MYPN: variants seen among roughly 807,000 people sequenced by gnomAD.
MYPN encodes sarcomeric protein myopalladin, 145 kDa (MYOP).
MYPN carries 63 observed loss-of-function variants against 129.4 expected under a neutral mutation model. That is an observed-to-expected ratio of 0.49 (90% confidence interval 0.40 to 0.60). The LOEUF is 0.60. MYPN is among the 20% of genes least tolerant of loss of function. The pLI is 0.00. For synonymous variants in MYPN, 629 were observed against 600.9 expected (o/e 1.05, Z -0.68); for missense variants, 1,596 against 1,635.4 (o/e 0.98, Z 0.42).
chr10:68,199,031 C>T (rs2043661916), intron 16 of MYPN, among the ~76,000 whole-genome samples: 2 of 151,736 alleles, frequency 1.3e-5, no homozygotes, highest in African/African-American at 2.4e-5. Context: ...TTTCTCTTGG[C>T]TATTAGGTAT....
intron 10 of MYPN, among the ~76,000 whole-genome samples, chr10:68,167,285 G>A (rs1015551980): frequency 2.6e-5 from 4 of 152,100 alleles, no homozygotes; most frequent in African/African-American, 7.2e-5. Flanking sequence ...GTGTCTAATC[G>A]TCTTTACAGT....
chr10:68,145,575 A>G lies in MYPN; in HGVS notation c.1130+49A>G, dbSNP rs749931395. 3.4e-6 allele frequency: 5 copies of G among 1,485,596 alleles called. No homozygotes were observed. The African/African-American group carries it at 7.0e-5, about 21-fold the overall frequency. 92.0% of individuals were successfully genotyped at this position (1,485,596 alleles called of 1,614,324 possible). Reference sequence around the variant, plus strand: ...AGCTTTAGCATCCTCAGATCAATTAATAGCTCAAAGAGAATGATTAATTGG... The same window carrying G: ...AGCTTTAGCATCCTCAGATCAATTAGTAGCTCAAAGAGAATGATTAATTGG... On this transcript the variant is annotated intron_variant, in intron 4 of 19. Transcript: ENST00000358913.
At chr10:68,106,690 AT>A, upstream of MYPN, 1 of 716,080 alleles carries the variant, frequency 1.4e-6, no homozygotes. Context: ...AAATGCAAAC[AT>A]TTTATATGAA....
At chr10:68,140,966 G>A (rs1231993868) in intron 2 of MYPN, among the ~76,000 whole-genome samples, 3 of 152,186 alleles carry the variant, frequency 2.0e-5, no homozygotes, top group African/African-American at 4.8e-5. Flanking sequence ...CAGCTACTTG[G>A]GAGGCTGGAG....
At position 68,122,070 on chromosome 10, in the gene MYPN, T is replaced by C. The variant is rs866621314; in HGVS notation, c.632T>C (p.Val211Ala). 2.5e-6 allele frequency: 4 copies of C among 1,614,146 alleles called. No individual in the cohort carries two copies. The African/African-American group carries it at 5.3e-5, about 22-fold the overall frequency. Reference sequence around the variant, plus strand: ...TCAGAAAGACGAGAAAGATCTTCTGTTCCCATCCCTATCCCTGCGGATACC... The same window carrying C: ...TCAGAAAGACGAGAAAGATCTTCTGCTCCCATCCCTATCCCTGCGGATACC... ...DLSERRERSS[V>A]PIPIPADTRD... Residue 211 changes from valine (V) to alanine (A), a missense_variant, in exon 2 of 20, where the codon GTT becomes GCT. Val to Ala is a moderately conservative substitution (Grantham distance 64). Coordinates refer to ENST00000358913, the MANE Select transcript of MYPN (RefSeq NM_032578.4).
At chr10:68,136,141 A>G in intron 2 of MYPN, 1 of 775,428 alleles carries the variant, frequency 1.3e-6, no homozygotes, top group Non-Finnish European at 1.6e-6. Flanking sequence ...CAGAATGGTG[A>G]TAAAGAGCCA....
chr10:68,186,927 G>A (rs1003222630), intron 12 of MYPN, among the ~76,000 whole-genome samples: 4 of 152,124 alleles, frequency 2.6e-5, no homozygotes, highest in African/African-American at 9.7e-5. Context: ...TAAGTTTGAT[G>A]GGCAGGCTAT....
At chr10:68,196,121 G>A (rs1443704749) in intron 15 of MYPN, among the ~76,000 whole-genome samples, 1 of 152,096 alleles carries the variant, frequency 6.6e-6, no homozygotes, top group Admixed American at 6.6e-5. Flanking sequence ...GCTTTTAATG[G>A]TTCAAAATTT....
chr10:68,173,828 T>C (rs974258564), intron 10 of MYPN, among the ~76,000 whole-genome samples: 4 of 112,582 alleles, frequency 3.6e-5, no homozygotes, highest in African/African-American at 9.0e-5. Context: ...TATATGTATA[T>C]ATAATTTTTT....
intron 12 of MYPN, among the ~76,000 whole-genome samples, chr10:68,176,581 A>G (rs1265587533): frequency 6.6e-6 from 1 of 152,190 alleles, no homozygotes; most frequent in Non-Finnish European, 1.5e-5. Flanking sequence ...ATATTGAGCA[A>G]CTTATACTGA....
chr10:68,121,393 C>T (rs758319270), intron 1 of MYPN, 45 bp from the exon 2 acceptor site: 2 of 1,562,092 alleles, frequency 1.3e-6, no homozygotes, highest in Admixed American at 1.8e-5. Context: ...ACTTGTTATT[C>T]CCTAGAAATG....
At chr10:68,089,476 G>C (rs2041921176) in intron 1 of MYPN, among the ~76,000 whole-genome samples, 1 of 152,000 alleles carries the variant, frequency 6.6e-6, no homozygotes, top group African/African-American at 2.4e-5. Context: ...CGAGTAGCTG[G>C]GACTACAGGT....
chr10:68,210,911 A>G lies in MYPN; in HGVS notation c.*456A>G. The G allele has an allele frequency of 2.2e-6, 1 of 454,984 alleles. No individual in the cohort carries two copies. The highest frequency in any genetic ancestry group is 6.9e-4 in the Middle Eastern group (1 of 1,444). 28.2% of individuals were successfully genotyped at this position (454,984 alleles called of 1,614,324 possible). On this transcript the variant is annotated 3_prime_UTR_variant, in exon 20 of 20. Coordinates refer to ENST00000358913, the MANE Select transcript of MYPN (RefSeq NM_032578.4). ...AGGTCACCATCACCTTTCATCGATT[A>G]CATGTATAGCAGTAGTTTTGGTGAA... is the stretch of plus-strand genomic sequence containing the variant.
At chr10:68,146,138 A>G (rs994309047) in intron 4 of MYPN, among the ~76,000 whole-genome samples, 1 of 152,200 alleles carries the variant, frequency 6.6e-6, no homozygotes, top group Non-Finnish European at 1.5e-5. Flanking sequence ...AAATCTTAAC[A>G]TGGCATACAT....
chr10:68,176,666 C>G (rs894575322), intron 12 of MYPN, among the ~76,000 whole-genome samples: 1 of 152,200 alleles, frequency 6.6e-6, no homozygotes, highest in Non-Finnish European at 1.5e-5. Context: ...AATATTTAAA[C>G]TTGCCATAAC....
At chr10:68,131,626 G>A (rs1270071865) in intron 2 of MYPN, among the ~76,000 whole-genome samples, 1 of 152,124 alleles carries the variant, frequency 6.6e-6, no homozygotes, top group Non-Finnish European at 1.5e-5. Flanking sequence ...TGATCCTCCT[G>A]CCTGGTTGTC....
At chr10:68,128,168 T>C (rs2042354860) in intron 2 of MYPN, among the ~76,000 whole-genome samples, 1 of 152,194 alleles carries the variant, frequency 6.6e-6, no homozygotes, top group South Asian at 2.1e-4. Context: ...AATACGTTCA[T>C]GTATTACCCA....
intron 12 of MYPN, among the ~76,000 whole-genome samples, chr10:68,176,542 G>A (rs930237795): frequency 2.6e-5 from 4 of 152,142 alleles, no homozygotes; most frequent in Non-Finnish European, 5.9e-5. Context: ...GTGGAGCCAT[G>A]GATATATAGT....
intron 1 of MYPN, 115 bp downstream of exon 1, chr10:68,109,838 G>C (rs961286415): frequency 1.4e-5 from 5 of 364,836 alleles, no homozygotes; most frequent in South Asian, 2.1e-5. Context: ...TAGGATAACT[G>C]TCTAATTACA....
Sources: gnomAD v4.1 joint callset for allele counts (sites outside exome capture counted in the v4.1 genomes callset) on GRCh38, gnomAD v4.1.1 for gene constraint, MANE v1.5 for transcripts, NCBI Gene and HGNC (gene_info 2026-07-23, HGNC 2026-07-21) for gene names.